Variants in ATP13A3 observed in about 807,000 individuals in gnomAD.
The protein encoded by ATP13A3 is ATPase 13A3.
ATP13A3 carries 59 observed loss-of-function variants against 158.1 expected under a neutral mutation model. The observed-to-expected ratio is 0.37, with a 90% CI of 0.30 to 0.46. The LOEUF (loss-of-function observed/expected upper bound fraction) is 0.46, where lower values mean the gene tolerates loss of function less well. Among genes scored for constraint, ATP13A3 ranks in the 20% least tolerant of loss-of-function variants. The probability of loss-of-function intolerance (pLI) is 1.00; values close to 1 mark genes in which losing one functional copy is unlikely to be tolerated. For synonymous variants in ATP13A3, 491 were observed against 504.3 expected, an observed-to-expected ratio of 0.97 and a Z score of 0.35; for missense variants, 1,166 against 1,525.2, an observed-to-expected ratio of 0.76 and a Z score of 3.92.
At chr3:194,426,575 G>A (rs190595065) in intron 29 of ATP13A3, among the ~76,000 whole-genome samples, 1 of 152,216 alleles carries the variant, frequency 6.6e-6, no homozygotes, top group East Asian at 1.9e-4. Context: ...TTAAGAAACT[G>A]ATCTAAGATC....
At chr3:194,460,461 T>C (rs149496656) in intron 4 of ATP13A3, among the ~76,000 whole-genome samples, 197 bp downstream of exon 4, 1 of 152,326 alleles carries the variant, frequency 6.6e-6, no homozygotes, top group East Asian at 1.9e-4. Flanking sequence ...AATCTGATCA[T>C]CTTTAAGATT....
chr3:194,480,175 C>CT (rs1379654901), intron 2 of ATP13A3, among the ~76,000 whole-genome samples: 1 of 152,144 alleles, frequency 6.6e-6, no homozygotes, highest in Non-Finnish European at 1.5e-5. Context: ...CTAAGGTACC[C>CT]TTTATCACCT....
At chr3:194,449,123 TGTGAAAATGAGTAATGTGGTG>T (rs1718620246) in intron 11 of ATP13A3, among the ~76,000 whole-genome samples, 1 of 150,960 alleles carries the variant, frequency 6.6e-6, no homozygotes, top group Non-Finnish European at 1.5e-5. Flanking sequence ...AAAAAAGAGA[TGTGAAAATGAGTAATGTGGTG>T]GTTCTCTCAA....
intron 2 of ATP13A3, among the ~76,000 whole-genome samples, chr3:194,474,273 C>T (rs537169292): frequency 2.2e-4 from 34 of 152,014 alleles, no homozygotes; most frequent in Non-Finnish European, 4.6e-4. Context: ...AGGGATGCTC[C>T]CTTGAGCAGG....
At chr3:194,428,993 T>C (rs1399576802) in intron 27 of ATP13A3, 76 bp from the exon 28 acceptor site, 3 of 1,011,468 alleles carry the variant, frequency 3.0e-6, no homozygotes, top group East Asian at 2.8e-5. Context: ...TATTAATAGT[T>C]TGGATTTTCC....
intron 31 of ATP13A3, among the ~76,000 whole-genome samples, chr3:194,418,787 T>C (rs1197044795): frequency 6.6e-6 from 1 of 152,228 alleles, no homozygotes; most frequent in Non-Finnish European, 1.5e-5. Flanking sequence ...AGGAAACTTT[T>C]GTCCCTAATG....
upstream of ATP13A3, chr3:194,487,040 C>T (rs1577101095): frequency 6.6e-6 from 1 of 151,742 alleles, no homozygotes; most frequent in African/African-American, 2.4e-5. Context: ...GGCTTCATCC[C>T]CGCGCGGAGG....
rs556241321 is a variant in ATP13A3 at position 194,422,562 on chromosome 3, T to G, written c.3314-2595A>C. ...AAGGATTCTGTAGGAAATAAGAGAT[T>G]TTTAAGTATTCAAAGTATATAGCAA... On this transcript the variant is annotated intron_variant, in intron 30 of 33. Coordinates refer to ENST00000645319, the MANE Select transcript of ATP13A3 (RefSeq NM_001367549.1). Among the ~76,000 whole-genome samples the G allele has an allele frequency of 1.7e-4, 26 of 152,258 alleles. No homozygotes were observed. The South Asian group carries it at 5.4e-3, about 32-fold the overall frequency.
At chr3:194,408,328 G>A (rs2108700838) in intron 33 of ATP13A3, among the ~76,000 whole-genome samples, 1 of 152,308 alleles carries the variant, frequency 6.6e-6, no homozygotes, top group Non-Finnish European at 1.5e-5. Context: ...GCCAAAAGCT[G>A]TCACTTTTAA....
At position 194,448,472 on chromosome 3, in the gene ATP13A3, T is replaced by C. The variant is rs1158030774; in HGVS notation, c.1135A>G (p.Ile379Val). Residue 379 changes from isoleucine (I) to valine (V), a missense_variant, in exon 12 of 34, where the codon ATA (isoleucine) becomes GTA (valine). Physicochemically the swap from Ile to Val is conservative, Grantham distance 29. Around this residue, in one of 3 missense-constraint regions of ATP13A3, gnomAD observed 997 missense variants for 1,341.2 expected, o/e 0.74. Coordinates refer to ENST00000645319, the MANE Select transcript of ATP13A3 (RefSeq NM_001367549.1). The surrounding 1 kb of genome is among the most constrained non-coding windows in gnomAD (Gnocchi z 4.0). ...RFYTGELVKA[I>V]VVRTGFSTSK... is the part of the protein sequence containing the mutation. ...TGTTTCCTACCTGTTCTAACAACTA[T>C]GGCTTTGACGAGTTCTCCAGTGTAG... 5 of 1,613,980 alleles carry C rather than the reference T, an allele frequency of 3.1e-6. No homozygotes were observed. The highest frequency in any genetic ancestry group is 4.2e-6 in the Non-Finnish European group (5 of 1,179,852).
At position 194,448,708 on chromosome 3, in the gene ATP13A3, A is replaced by G. The variant is rs1289813312; in HGVS notation, c.971-72T>C. ...ACGAAAGCACAGGAATCAGTATCGAACACCAAAAAATATTAAATTGTTAAA... is the reference window on the plus strand; with the variant it reads ...ACGAAAGCACAGGAATCAGTATCGAGCACCAAAAAATATTAAATTGTTAAA... On this transcript the variant is annotated intron_variant, in intron 11 of 33. Coordinates refer to ENST00000645319, the MANE Select transcript of ATP13A3 (RefSeq NM_001367549.1). This position sits in a 1 kb window ranked among gnomAD's most constrained non-coding sequence, Gnocchi z 4.0. 1 of 1,395,178 alleles carries G rather than the reference A, an allele frequency of 7.2e-7. No individual in the cohort carries two copies. Among genetic ancestry groups the G allele is most frequent in the African/African-American group, 1.5e-5 (1 of 68,778 alleles). The allele number at this position is 1,395,178 out of a possible 1,614,324, so 86.4% of individuals were successfully genotyped here.
In ATP13A3 at chr3:194,447,996, G is replaced by T. The variant is rs1224549661; in HGVS notation, c.1164C>A (p.Ser388=). 1 of 1,605,778 alleles carries T rather than the reference G, an allele frequency of 6.2e-7. No individual in the cohort carries two copies. Among genetic ancestry groups the T allele is most frequent in the Non-Finnish European group, 8.5e-7 (1 of 1,173,196 alleles). ...AIVVRTGFST[S]KGQLVRSILY... The stretch of plus-strand genomic sequence containing the variant: ...ATATGGAACGAACAAGCTGTCCTTT[G>T]GAAGTACTAAATCCTTTCAAAAAAA... The change falls in exon 13 of 34, where the codon TCC becomes TCA. Residue 388 remains serine, a synonymous_variant. Coordinates refer to ENST00000645319, the MANE Select transcript of ATP13A3 (RefSeq NM_001367549.1).
chr3:194,437,314 T>C lies in ATP13A3; in HGVS notation c.1996A>G (p.Thr666Ala), dbSNP rs1717719586. 3.7e-6 allele frequency: 6 copies of C among 1,614,104 alleles called. No individual in the cohort carries two copies. The highest frequency in any genetic ancestry group is 1.3e-5 in the African/African-American group (1 of 74,930). ...EAIAGLCKPE[T>A]VPVDFQNVLE... ...CAAAGCATAGATATTTCCTTACCTG[T>C]TTCAGGTTTACAGAGACCGGCAATG... is the stretch of plus-strand genomic sequence containing the variant. Residue 666 changes from threonine (T) to alanine (A), a missense_variant, in exon 19 of 34, where the codon ACA becomes GCA. Thr to Ala is a moderately conservative substitution (Grantham distance 58). Coordinates refer to ENST00000645319, the MANE Select transcript of ATP13A3 (RefSeq NM_001367549.1).
At chr3:194,406,163 A>G in intron 33 of ATP13A3, 47 bp from the exon 34 acceptor site, 1 of 1,593,674 alleles carries the variant, frequency 6.3e-7, no homozygotes, top group Non-Finnish European at 8.6e-7. Flanking sequence ...AGTTGATTAA[A>G]GGCTTGTCGT....
intron 32 of ATP13A3, 153 bp from the exon 33 acceptor site, chr3:194,412,441 C>A: frequency 1.7e-6 from 1 of 603,926 alleles, no homozygotes; most frequent in South Asian, 2.1e-5. Flanking sequence ...GCCAAATGAT[C>A]AAGAATGATA....
intron 20 of ATP13A3, among the ~76,000 whole-genome samples, 164 bp from the exon 21 acceptor site, chr3:194,434,060 G>C (rs1305453618): frequency 6.6e-6 from 1 of 152,206 alleles, no homozygotes; most frequent in Admixed American, 6.5e-5. Flanking sequence ...AACCACGTGT[G>C]TGTTCAAGAG....
intron 17 of ATP13A3, among the ~76,000 whole-genome samples, chr3:194,438,460 T>C (rs1363575563): frequency 6.6e-6 from 1 of 152,216 alleles, no homozygotes; most frequent in African/African-American, 2.4e-5. Flanking sequence ...ACCAGCTGTA[T>C]AAATCACAAG....
At position 194,402,677 on chromosome 3, in the gene ATP13A3, TTTCA is replaced by T. The variant is rs1178646556; in HGVS notation, c.*3238_*3241del. ...ATAAAGACACAGAAAAAAAGTGTTA[TTTCA>T]TTCATTAAAATTTTTATTTTGAATA... On this transcript the variant is annotated 3_prime_UTR_variant, in exon 34 of 34. Transcript: ENST00000645319. 5.3e-5 allele frequency: 8 copies of T among 152,200 alleles called. No homozygotes were observed. Among genetic ancestry groups the T allele is most frequent in the Non-Finnish European group, 1.0e-4 (7 of 68,048 alleles). 9.4% of individuals were successfully genotyped at this position (152,200 alleles called of 1,614,324 possible).
chr3:194,487,424 G>T (rs1243875961), upstream of ATP13A3: 1 of 152,480 alleles, frequency 6.6e-6, no homozygotes, highest in Non-Finnish European at 1.5e-5. Flanking sequence ...CCAGAGCCCA[G>T]CTCCTAATGC....
Sources: allele counts gnomAD v4.1 joint callset (sites outside exome capture counted in the v4.1 genomes callset), GRCh38; gene constraint gnomAD v4.1.1; regional missense constraint gnomAD v4.1.1; non-coding constraint Gnocchi (gnomAD v3.1); transcripts MANE v1.5; gene names NCBI Gene and HGNC (gene_info 2026-07-23, HGNC 2026-07-21).